The following TLK1 variants were observed in gnomAD, a reference collection of about 807,000 sequenced individuals.
TLK1 encodes tousled like kinase 1.
Under a neutral mutation model 105.3 loss-of-function variants are expected in TLK1, and 24 were observed. That is an observed-to-expected ratio of 0.23 (90% CI 0.17 to 0.32). The LOEUF is 0.32. Ranked by LOEUF, TLK1 falls within the 10% of genes least tolerant of loss-of-function variation. TLK1 has a pLI of 1.00. For missense variants in TLK1, 558 were observed against 910.5 expected, an observed-to-expected ratio of 0.61 and a Z score of 4.98; for synonymous variants, 321 against 310.4, an observed-to-expected ratio of 1.03 and a Z score of -0.36.
At chr2:171,057,224 A>G (rs1412052453) in intron 5 of TLK1, among the ~76,000 whole-genome samples, 2 of 152,084 alleles carry the variant, frequency 1.3e-5, no homozygotes, top group South Asian at 2.1e-4. Flanking sequence ...TTGCTGCAGC[A>G]AAGTTCCTCT....
chr2:171,076,040 A>G (rs1301105456), intron 3 of TLK1, among the ~76,000 whole-genome samples: 53 of 152,302 alleles, frequency 3.5e-4, no homozygotes, highest in Admixed American at 5.9e-4. Context: ...TAACATGGTG[A>G]AACCCTGTCT....
intron 1 of TLK1, among the ~76,000 whole-genome samples, chr2:171,120,707 G>C (rs1243142361): frequency 1.3e-5 from 2 of 152,192 alleles, no homozygotes; most frequent in African/African-American, 4.8e-5. Flanking sequence ...ACATAAAATG[G>C]TGCGGCCACT....
At chr2:171,036,160 G>A (rs2723241) in intron 11 of TLK1, among the ~76,000 whole-genome samples, 97,530 of 152,102 alleles carry the variant, frequency 0.64, 32,271 homozygotes, top group East Asian at 0.95. Flanking sequence ...CATAATTTCT[G>A]AAGGCTGGAC....
At chr2:171,006,371 G>T in intron 17 of TLK1, 89 bp from the exon 18 acceptor site, 1 of 1,471,396 alleles carries the variant, frequency 6.8e-7, no homozygotes, top group Non-Finnish European at 9.1e-7. Flanking sequence ...TTTTACTGAT[G>T]TCTTACAAGA....
chr2:171,038,907 GTT>G (rs1376096695), intron 11 of TLK1, among the ~76,000 whole-genome samples: 1 of 151,966 alleles, frequency 6.6e-6, no homozygotes, highest in African/African-American at 2.4e-5. Flanking sequence ...TTATCTACAT[GTT>G]CTATTTCTAA....
chr2:171,140,525 G>A (rs1290167776), intron 1 of TLK1, among the ~76,000 whole-genome samples: 1 of 152,168 alleles, frequency 6.6e-6, no homozygotes, highest in Non-Finnish European at 1.5e-5. Flanking sequence ...ATGAGACCCT[G>A]AGCCTCCCCC....
chr2:171,055,132 C>T lies in TLK1; in HGVS notation c.590G>A (p.Gly197Glu). 1 of 1,500,134 alleles carries T rather than the reference C, an allele frequency of 6.7e-7. No homozygotes were observed. Among genetic ancestry groups the T allele is most frequent in the South Asian group, 1.5e-5 (1 of 68,608 alleles). The allele number at this position is 1,500,134 out of a possible 1,614,324, so 92.9% of individuals were successfully genotyped here. A position where few individuals can be genotyped will look rare whatever the true frequency, so the allele number is the denominator to read the frequency against. ...NSPSPTALAF[G>E]DHPIVQPKQL... is the part of the protein sequence containing the mutation. ...CTTTGGTTGTACAATAGGGTGGTCC[C>T]CAAATGCTAATGCAGTAGGAGAAGG... Residue 197 changes from glycine (G) to glutamate (E), a missense_variant, in exon 7 of 21, where the codon GGG (glycine) becomes GAG (glutamate). Transcript: ENST00000431350.
At chr2:171,179,786 C>T (rs551244731) in intron 1 of TLK1, among the ~76,000 whole-genome samples, 33 of 151,998 alleles carry the variant, frequency 2.2e-4, no homozygotes, top group Middle Eastern at 3.4e-3. Flanking sequence ...GATAAAACCC[C>T]GTCTCTACTA....
At chr2:171,055,453 C>A (rs150363919) in intron 6 of TLK1, among the ~76,000 whole-genome samples, 1 of 151,502 alleles carries the variant, frequency 6.6e-6, no homozygotes, top group East Asian at 1.9e-4. Flanking sequence ...AATCTTAATG[C>A]TTTCATACAG....
intron 18 of TLK1, among the ~76,000 whole-genome samples, chr2:170,998,938 C>T (rs988304820): frequency 3.3e-5 from 5 of 152,132 alleles, no homozygotes; most frequent in African/African-American, 1.2e-4. Context: ...CCAGCTAATA[C>T]TTTCTTCTTT....
At chr2:171,058,613 G>T (rs1687610527) in intron 4 of TLK1, among the ~76,000 whole-genome samples, 1 of 152,078 alleles carries the variant, frequency 6.6e-6, no homozygotes, top group Non-Finnish European at 1.5e-5. Flanking sequence ...TTTCTAAAAA[G>T]CATTCCCAAA....
chr2:171,186,964 A>C (rs1196255449), intron 1 of TLK1, among the ~76,000 whole-genome samples: 1 of 148,300 alleles, frequency 6.7e-6, no homozygotes, highest in East Asian at 2.1e-4. Flanking sequence ...AGGCTGAGGC[A>C]GAAGAATCGT....
chr2:171,133,573 T>G (rs1691189194), intron 1 of TLK1, among the ~76,000 whole-genome samples: 1 of 152,142 alleles, frequency 6.6e-6, no homozygotes, highest in African/African-American at 2.4e-5. Context: ...CACTTCAGCC[T>G]GGGAGACAGA....
chr2:171,215,878 C>T (rs1290132744), intron 1 of TLK1, among the ~76,000 whole-genome samples: 3 of 152,152 alleles, frequency 2.0e-5, no homozygotes, highest in African/African-American at 7.2e-5. Flanking sequence ...CGCACCACCA[C>T]CCCTTTCTAG....
chr2:171,162,168 TTTTCAAAC>T (rs1692519651), upstream of TLK1, among the ~76,000 whole-genome samples: 1 of 152,262 alleles, frequency 6.6e-6, no homozygotes, highest in Non-Finnish European at 1.5e-5. Context: ...TCTTGTCTGC[TTTTCAAAC>T]TTAAGAGGGA....
intron 1 of TLK1, among the ~76,000 whole-genome samples, chr2:171,217,608 C>A (rs1004054894): frequency 1.3e-5 from 2 of 152,196 alleles, no homozygotes; most frequent in Admixed American, 1.3e-4. Context: ...GAGGACACCA[C>A]TGTCAGATGG....
At chr2:171,176,756 C>G (rs1477713751) in intron 1 of TLK1, among the ~76,000 whole-genome samples, 1 of 152,210 alleles carries the variant, frequency 6.6e-6, no homozygotes, top group Non-Finnish European at 1.5e-5. Context: ...GACTTGGCCT[C>G]TGTTCTAGAT....
chr2:171,067,664 CA>C (rs1688064217), intron 3 of TLK1, among the ~76,000 whole-genome samples: 4 of 151,842 alleles, frequency 2.6e-5, no homozygotes, highest in Admixed American at 6.6e-5. Flanking sequence ...GCAGAACGTA[CA>C]AGTTTGTTAC....
At chr2:171,076,728 T>G in intron 3 of TLK1, among the ~76,000 whole-genome samples, 1 of 127,988 alleles carries the variant, frequency 7.8e-6, no homozygotes. Flanking sequence ...TGAAACTCCA[T>G]CTCTACTAAA....
Sources: gnomAD v4.1 joint callset for allele counts (sites outside exome capture counted in the v4.1 genomes callset) on GRCh38, gnomAD v4.1.1 for gene constraint, MANE v1.5 for transcripts, NCBI Gene and HGNC (gene_info 2026-07-23, HGNC 2026-07-21) for gene names.